The following CMSS1 variants were observed in gnomAD, a reference collection of about 807,000 sequenced individuals.
The protein encoded by CMSS1 is protein CMSS1.
In CMSS1, 33 loss-of-function variants were observed where a neutral mutation model predicts 43.5. The ratio of observed to expected loss-of-function variants is 0.76; its 90% CI spans 0.57 to 1.01. CMSS1 has a LOEUF of 1.01. Ranked by LOEUF, CMSS1 falls within the 50% of genes least tolerant of loss-of-function variation. CMSS1 has a pLI of 0.00. For missense variants in CMSS1, 313 were observed against 326.4 expected (o/e 0.96, Z 0.32); for synonymous variants, 115 against 117.2 (o/e 0.98, Z 0.12).
At chr3:100,141,153 A>G (rs1171880915) in intron 1 of CMSS1, among the ~76,000 whole-genome samples, 12 of 141,476 alleles carry the variant, frequency 8.5e-5, no homozygotes, top group Admixed American at 8.5e-4. Context: ...CTGATGCTCT[A>G]GGCACATCTG....
At chr3:99,840,888 G>C (rs1037532765) in intron 1 of CMSS1, among the ~76,000 whole-genome samples, 1 of 152,158 alleles carries the variant, frequency 6.6e-6, no homozygotes, top group African/African-American at 2.4e-5. Context: ...CTTAACTGAG[G>C]CTTTGTTAAT....
chr3:99,828,363 T>C (rs1942574900), intron 1 of CMSS1, among the ~76,000 whole-genome samples: 3 of 151,574 alleles, frequency 2.0e-5, no homozygotes, highest in African/African-American at 7.3e-5. Flanking sequence ...ATTTATCAAA[T>C]ACCTGCTCTA....
At position 99,890,728 on chromosome 3, in the gene CMSS1, GT is replaced by G. The variant is rs375497653; in HGVS notation, c.64+72696del. On this transcript the variant is annotated intron_variant, in intron 1 of 9. Transcript: ENST00000421999. Reference sequence around the variant, plus strand: ...TTTAAACTAGAAATACCAATCCGCTGTTTTTTTTTTTCTGACATATTAAGTA... The same window carrying G: ...TTTAAACTAGAAATACCAATCCGCTGTTTTTTTTTTCTGACATATTAAGTA... Among the ~76,000 whole-genome samples, 451 of 142,860 alleles carry G rather than the reference GT, an allele frequency of 3.2e-3. 6 individuals carry two copies. Among genetic ancestry groups the G allele is most frequent in the African/African-American group, 9.2e-3 (360 of 39,310 alleles). The allele number at this position is 142,860 out of a possible 152,430, so 93.7% of individuals were successfully genotyped here.
chr3:100,172,481 T>C (rs2067119325), intron 8 of CMSS1, 78 bp downstream of exon 8: 1 of 1,091,688 alleles, frequency 9.2e-7, no homozygotes, highest in Non-Finnish European at 1.4e-6. Context: ...AGAAACTAAA[T>C]TCAGGATATA....
chr3:100,052,691 T>C lies in CMSS1; in HGVS notation c.65-94282T>C, dbSNP rs182710159. Among the ~76,000 whole-genome samples, 4 of 152,328 alleles carry C rather than the reference T, an allele frequency of 2.6e-5. No homozygotes were observed. The East Asian group carries it at 7.7e-4, about 29-fold the overall frequency. On this transcript the variant is annotated intron_variant, in intron 1 of 9. Transcript: ENST00000421999. Reference sequence around the variant, plus strand: ...AATGTTTCTTTCTATAACCACATTTTAAGATAAGTATATTCTAAAATTTTA... The same window carrying C: ...AATGTTTCTTTCTATAACCACATTTCAAGATAAGTATATTCTAAAATTTTA...
chr3:99,951,459 G>C (rs976749191), intron 1 of CMSS1, among the ~76,000 whole-genome samples: 3 of 152,164 alleles, frequency 2.0e-5, no homozygotes, highest in Non-Finnish European at 4.4e-5. Flanking sequence ...AGGTTGTCTT[G>C]AAAGTCATCA....
At chr3:100,012,767 T>C (rs1185048445) in intron 1 of CMSS1, among the ~76,000 whole-genome samples, 1 of 147,106 alleles carries the variant, frequency 6.8e-6, no homozygotes, top group Non-Finnish European at 1.5e-5. Context: ...TATTCTTTTT[T>C]TTTTTTTTTT....
chr3:99,966,379 C>T (rs1022685034), intron 1 of CMSS1, among the ~76,000 whole-genome samples: 7 of 152,088 alleles, frequency 4.6e-5, no homozygotes, highest in Non-Finnish European at 1.0e-4. Context: ...CTGAACCCTT[C>T]CAGAAAATTG....
At chr3:100,127,318 C>G (rs1161890023) in intron 1 of CMSS1, among the ~76,000 whole-genome samples, 3 of 152,156 alleles carry the variant, frequency 2.0e-5, no homozygotes, top group Non-Finnish European at 4.4e-5. Context: ...GCACTTCCCT[C>G]GAGAGCAGGG....
intron 1 of CMSS1, among the ~76,000 whole-genome samples, chr3:99,992,486 T>G (rs1426964343): frequency 6.6e-6 from 1 of 151,886 alleles, no homozygotes; most frequent in Non-Finnish European, 1.5e-5. Context: ...AATGTCCATT[T>G]TTTTGCCTAC....
At position 100,176,407 on chromosome 3, in the gene CMSS1, A is replaced by C. The variant is rs144381639; in HGVS notation, c.748A>C (p.Ile250Leu). ...RDQKLRRMMDIPEIRKEVFEL... is the reference protein window; with the variant it reads ...RDQKLRRMMDLPEIRKEVFEL... ...TCAGAAGTTGAGGAGAATGATGGAC[A>C]TTCCCGAGGTACCACGTAACCAGCA... The change falls in exon 9 of 10, where the codon ATT becomes CTT. Residue 250 changes from isoleucine (I) to leucine (L), a missense_variant. Transcript: ENST00000421999. The C allele has an allele frequency of 9.5e-5, 153 of 1,610,966 alleles. No individual in the cohort carries two copies. Among genetic ancestry groups the C allele is most frequent in the Non-Finnish European group, 1.2e-4 (142 of 1,177,448 alleles).
chr3:100,060,626 A>G (rs1476171548), intron 1 of CMSS1, among the ~76,000 whole-genome samples: 1 of 152,124 alleles, frequency 6.6e-6, no homozygotes, highest in African/African-American at 2.4e-5. Flanking sequence ...AGGCTGAAGC[A>G]GACAGATACC....
chr3:99,986,191 A>C (rs756007014), intron 1 of CMSS1, among the ~76,000 whole-genome samples: 15 of 152,250 alleles, frequency 9.9e-5, no homozygotes, highest in Non-Finnish European at 2.1e-4. Flanking sequence ...TCAAATTATA[A>C]GATGTAAAGA....
chr3:99,993,603 G>T (rs1033972009), intron 1 of CMSS1, among the ~76,000 whole-genome samples: 1 of 152,060 alleles, frequency 6.6e-6, no homozygotes, highest in South Asian at 2.1e-4. Context: ...GTATGATATT[G>T]GGTGTGGGTT....
intron 1 of CMSS1, among the ~76,000 whole-genome samples, chr3:99,882,988 A>G (rs992482073): frequency 3.3e-5 from 5 of 152,272 alleles, no homozygotes; most frequent in South Asian, 2.1e-4. Context: ...ATGTAACACC[A>G]TTATCTTGCA....
intron 1 of CMSS1, among the ~76,000 whole-genome samples, chr3:99,915,591 G>C (rs1265589895): frequency 6.6e-6 from 1 of 151,876 alleles, no homozygotes; most frequent in Non-Finnish European, 1.5e-5. Context: ...TCTCTAAGTA[G>C]AGTGATTTAC....
chr3:99,943,060 C>T (rs980002893), intron 1 of CMSS1, among the ~76,000 whole-genome samples: 11 of 152,138 alleles, frequency 7.2e-5, no homozygotes, highest in African/African-American at 2.7e-4. Context: ...CAACTTTGGA[C>T]CTCCACTTTT....
chr3:99,833,323 G>T, intron 1 of CMSS1: 1 of 1,425,696 alleles, frequency 7.0e-7, no homozygotes, highest in Non-Finnish European at 9.8e-7. Context: ...TAAAAGTGTT[G>T]GTTTGTTTTA....
chr3:100,032,114 G>A lies in CMSS1; in HGVS notation c.65-114859G>A, dbSNP rs2065031793. On this transcript the variant is annotated intron_variant, in intron 1 of 9. Transcript: ENST00000421999. ...TAGTTTGCTAAACCCTGCCCTATGGGAATAAATAATGAAACATGAGGAAGA... is the reference window on the plus strand; with the variant it reads ...TAGTTTGCTAAACCCTGCCCTATGGAAATAAATAATGAAACATGAGGAAGA... Among the ~76,000 whole-genome samples the A allele has an allele frequency of 3.3e-5, 5 of 152,140 alleles. No homozygotes were observed. The South Asian group carries it at 1.0e-3, about 32-fold the overall frequency.
Sources: gnomAD v4.1 joint callset for allele counts (sites outside exome capture counted in the v4.1 genomes callset) on GRCh38, gnomAD v4.1.1 for gene constraint, MANE v1.5 for transcripts, NCBI Gene and HGNC (gene_info 2026-07-23, HGNC 2026-07-21) for gene names.